CDH12: variants seen among roughly 807,000 people sequenced by gnomAD.
CDH12 encodes the protein cadherin 12.
In CDH12, 41 loss-of-function variants were observed where a neutral mutation model predicts 74.1. The ratio of observed to expected loss-of-function variants is 0.55; its 90% CI spans 0.43 to 0.72. The LOEUF is 0.72. Among genes scored for constraint, CDH12 ranks in the 30% least tolerant of loss-of-function variants. The probability of loss-of-function intolerance (pLI) is 0.00; values close to 1 mark genes in which losing one functional copy is unlikely to be tolerated. For missense variants in CDH12, 945 were observed against 977.2 expected, an observed-to-expected ratio of 0.97 and a Z score of 0.44; for synonymous variants, 399 against 355.0, an observed-to-expected ratio of 1.12 and a Z score of -1.39.
intron 8 of CDH12, among the ~76,000 whole-genome samples, chr5:21,831,202 G>A (rs1749003632): frequency 1.3e-5 from 2 of 152,048 alleles, no homozygotes; most frequent in Non-Finnish European, 2.9e-5. Context: ...CTAGCTACTG[G>A]GACAATTCTG....
At chr5:22,777,047 G>C (rs996986454) in intron 1 of CDH12, among the ~76,000 whole-genome samples, 1 of 151,988 alleles carries the variant, frequency 6.6e-6, no homozygotes. Context: ...AAGGATTCTA[G>C]TCTTTTATCA....
intron 5 of CDH12, among the ~76,000 whole-genome samples, chr5:21,981,032 T>C (rs1314233552): frequency 9.2e-5 from 14 of 152,334 alleles, no homozygotes; most frequent in African/African-American, 3.4e-4. Context: ...TAATTGTTTC[T>C]ATTTTCATTC....
chr5:22,331,483 A>G (rs201921080), intron 3 of CDH12, among the ~76,000 whole-genome samples: 1 of 152,314 alleles, frequency 6.6e-6, no homozygotes, highest in East Asian at 1.9e-4. Flanking sequence ...TGGTACCTCT[A>G]CAAGTCTACA....
chr5:21,936,914 A>T (rs1351475033), intron 6 of CDH12, among the ~76,000 whole-genome samples: 7 of 152,204 alleles, frequency 4.6e-5, no homozygotes, highest in East Asian at 3.8e-4. Flanking sequence ...CACCATGATT[A>T]TAAGTTTACT....
rs181026309 is a variant in CDH12 at position 21,943,803 on chromosome 5, T to A, written c.526+31288A>T. ...ACAGGAACAGCTACAAAATTTGCAG[T>A]GTTCAGTGCAAAATTAAAATATAGG... On this transcript the variant is annotated intron_variant, in intron 6 of 14. Coordinates refer to ENST00000382254, the MANE Select transcript of CDH12 (RefSeq NM_004061.5). 7.5e-3 allele frequency among the ~76,000 whole-genome samples: 1,145 copies of A among 152,290 alleles called. 12 individuals are homozygous for A. Among genetic ancestry groups the A allele is most frequent in the African/African-American group, 0.025 (1,046 of 41,580 alleles).
chr5:21,933,863 C>T lies in CDH12; in HGVS notation c.526+41228G>A, dbSNP rs145322435. On this transcript the variant is annotated intron_variant, in intron 6 of 14. Coordinates refer to ENST00000382254, the MANE Select transcript of CDH12 (RefSeq NM_004061.5). ...TACACATTTGTTCACTGAACTCAAA[C>T]GTGGCAGTGTACTCCCCTGTGAAAC... Among the ~76,000 whole-genome samples, 316 of 152,268 alleles carry T rather than the reference C, an allele frequency of 2.1e-3. 2 individuals carry two copies. Among genetic ancestry groups the T allele is most frequent in the African/African-American group, 6.9e-3 (288 of 41,554 alleles).
At chr5:22,083,390 C>G (rs1742866848) in intron 4 of CDH12, among the ~76,000 whole-genome samples, 1 of 152,016 alleles carries the variant, frequency 6.6e-6, no homozygotes, top group African/African-American at 2.4e-5. Flanking sequence ...TTTGTTTACT[C>G]TTTTCTGGGT....
chr5:22,051,822 C>T (rs1355196296), intron 5 of CDH12, among the ~76,000 whole-genome samples: 1 of 151,748 alleles, frequency 6.6e-6, no homozygotes. Flanking sequence ...AGAAAAAGAG[C>T]TGGACAGCCC....
intron 10 of CDH12, among the ~76,000 whole-genome samples, chr5:21,786,871 T>C (rs10045579): frequency 0.015 from 2,326 of 152,172 alleles, 49 homozygotes; most frequent in African/African-American, 0.052. Context: ...ATGGATGACT[T>C]TGAGGGGCCA....
intron 1 of CDH12, among the ~76,000 whole-genome samples, chr5:22,673,948 GC>G (rs941329682): frequency 1.3e-5 from 2 of 152,138 alleles, no homozygotes; most frequent in African/African-American, 4.8e-5. Context: ...ATCTCCTTAT[GC>G]AATACCAAGT....
At chr5:22,029,494 C>G (rs1479499955) in intron 5 of CDH12, among the ~76,000 whole-genome samples, 10 of 150,184 alleles carry the variant, frequency 6.7e-5, no homozygotes, top group African/African-American at 1.9e-4. Flanking sequence ...TTTATGCAGC[C>G]AAAAAACACA....
At chr5:22,362,783 A>C (rs1389985308) in intron 3 of CDH12, among the ~76,000 whole-genome samples, 5 of 151,796 alleles carry the variant, frequency 3.3e-5, no homozygotes, top group Non-Finnish European at 5.9e-5. Context: ...CCTTTGTAGG[A>C]ACATGGATGA....
At chr5:22,526,601 T>A (rs1737293817) in intron 1 of CDH12, among the ~76,000 whole-genome samples, 1 of 152,180 alleles carries the variant, frequency 6.6e-6, no homozygotes, top group African/African-American at 2.4e-5. Context: ...GCAATTGATG[T>A]CACCACCTGG....
chr5:22,819,943 ATG>A (rs1272390034), intron 1 of CDH12, among the ~76,000 whole-genome samples: 1 of 147,576 alleles, frequency 6.8e-6, no homozygotes, highest in South Asian at 2.1e-4. Context: ...GTGTGTATGT[ATG>A]TGTGTATATA....
At chr5:21,973,069 G>A (rs1360172124) in intron 6 of CDH12, among the ~76,000 whole-genome samples, 1 of 146,550 alleles carries the variant, frequency 6.8e-6, no homozygotes, top group African/African-American at 2.6e-5. Flanking sequence ...AAAAAAAATA[G>A]CTAGGCAGAG....
chr5:22,717,440 C>A (rs1743638202), intron 1 of CDH12, among the ~76,000 whole-genome samples: 1 of 152,070 alleles, frequency 6.6e-6, no homozygotes, highest in South Asian at 2.1e-4. Context: ...TTGTGAAAAT[C>A]CATTCTTTGA....
intron 5 of CDH12, among the ~76,000 whole-genome samples, chr5:22,045,514 A>G (rs1048780706): frequency 3.9e-5 from 6 of 152,050 alleles, no homozygotes; most frequent in African/African-American, 1.4e-4. Context: ...TATTCACAAT[A>G]GCCAAGATAT....
intron 7 of CDH12, among the ~76,000 whole-genome samples, chr5:21,844,087 G>A (rs1470332454): frequency 6.6e-6 from 1 of 152,028 alleles, no homozygotes; most frequent in African/African-American, 2.4e-5. Context: ...TTGTGGAGTT[G>A]TTCCTTTCTG....
chr5:22,082,436 A>T (rs528149026), intron 4 of CDH12, among the ~76,000 whole-genome samples: 46 of 152,246 alleles, frequency 3.0e-4, no homozygotes, highest in African/African-American at 1.1e-3. Flanking sequence ...TAAGTGACTC[A>T]TGGGTAGGGA....
Sources: gnomAD v4.1 joint callset for allele counts (sites outside exome capture counted in the v4.1 genomes callset) on GRCh38, gnomAD v4.1.1 for gene constraint, MANE v1.5 for transcripts, NCBI Gene and HGNC (gene_info 2026-07-23, HGNC 2026-07-21) for gene names.